NRXN2: variants seen among roughly 807,000 people sequenced by gnomAD.
NRXN2 encodes the protein neurexin-2-beta.
NRXN2 carries 29 observed loss-of-function variants against 128.8 expected under a neutral mutation model. The observed-to-expected ratio is 0.23, with a 90% CI of 0.17 to 0.31. NRXN2 has a LOEUF of 0.31. Among genes scored for constraint, NRXN2 ranks in the 10% least tolerant of loss-of-function variants. The pLI, the probability that NRXN2 is intolerant of heterozygous loss-of-function variation, is 1.00. For synonymous variants in NRXN2, 1,098 were observed against 1,075.2 expected (o/e 1.02, Z -0.41); for missense variants, 1,881 against 2,452.6 (o/e 0.77, Z 4.92).
chr11:64,711,675 A>C (rs941647417), intron 2 of NRXN2, among the ~76,000 whole-genome samples: 15 of 151,690 alleles, frequency 9.9e-5, no homozygotes, highest in Admixed American at 8.5e-4. Context: ...CCAGGGTCCC[A>C]CCTCGCCCTG....
At chr11:64,685,227 C>T (rs1329814759) in intron 6 of NRXN2, among the ~76,000 whole-genome samples, 1 of 152,178 alleles carries the variant, frequency 6.6e-6, no homozygotes, top group Non-Finnish European at 1.5e-5. Flanking sequence ...AGGCCAAAGC[C>T]TGCCCACTCC....
rs2043994876 is a variant in NRXN2, at chr11:64,632,093, G to A, written c.3586-1520C>T. Among the ~76,000 whole-genome samples the A allele has an allele frequency of 6.6e-6, 1 of 152,236 alleles. No individual in the cohort carries two copies. The highest frequency in any genetic ancestry group is 1.5e-5 in the Non-Finnish European group (1 of 68,038). On this transcript the variant is annotated intron_variant, in intron 18 of 22. Transcript: ENST00000265459. The surrounding 1 kb of genome is among the most constrained non-coding windows in gnomAD (Gnocchi z 4.2). Reference sequence around the variant, plus strand: ...CAGAGCCGAGAGGCTTGGTGGCACTGGGGGTGTTGGCAGGGGTGGCTCACA... The same window carrying A: ...CAGAGCCGAGAGGCTTGGTGGCACTAGGGGTGTTGGCAGGGGTGGCTCACA...
chr11:64,701,283 G>T (rs1478419840), intron 2 of NRXN2, among the ~76,000 whole-genome samples: 1 of 152,156 alleles, frequency 6.6e-6, no homozygotes, highest in Non-Finnish European at 1.5e-5. Flanking sequence ...TCCGAAATTT[G>T]ACTGTTTCTT....
Position 64,713,634 on chromosome 11 carries a change from C to T in NRXN2, c.66G>A (p.Leu22=), listed in dbSNP as rs2057167680. The T allele has an allele frequency of 1.6e-6, 2 of 1,247,932 alleles. No homozygotes were observed. Among genetic ancestry groups the T allele is most frequent in the South Asian group, 2.8e-5 (1 of 36,140 alleles). The allele number at this position is 1,247,932 out of a possible 1,614,324, so 77.3% of individuals were successfully genotyped here. The change falls in exon 2 of 23, where the codon CTG becomes CTA. Residue 22 remains leucine, a synonymous_variant. Coordinates refer to ENST00000265459, the MANE Select transcript of NRXN2 (RefSeq NM_015080.4). Reference sequence around the variant, plus strand: ...ACTCCAGGCCGTCCGCGCGCGCCGCCAGCGCCAGCAGCAGCAGCAACAGCA... The same window carrying T: ...ACTCCAGGCCGTCCGCGCGCGCCGCTAGCGCCAGCAGCAGCAGCAACAGCA... ...PPLLLLLLLA[L]AARADGLEFG...
chr11:64,624,905 G>A (rs1367559732), intron 20 of NRXN2, among the ~76,000 whole-genome samples: 1 of 152,166 alleles, frequency 6.6e-6, no homozygotes. Context: ...AACTTGTTCT[G>A]GGATACTTTC....
At chr11:64,699,251 C>G (rs1363342532) in intron 2 of NRXN2, among the ~76,000 whole-genome samples, 1 of 152,110 alleles carries the variant, frequency 6.6e-6, no homozygotes, top group Non-Finnish European at 1.5e-5. Context: ...CACAGTGACT[C>G]CAGTGGCTAA....
intron 2 of NRXN2, among the ~76,000 whole-genome samples, chr11:64,699,664 C>T (rs1365106521): frequency 2.6e-5 from 4 of 152,110 alleles, no homozygotes; most frequent in Non-Finnish European, 4.4e-5. Context: ...CTGCCCGCCT[C>T]GGCCTCCCAA....
In NRXN2 at chr11:64,685,851, A is replaced by T; in HGVS notation, c.947T>A (p.Leu316Gln). ...GTTGCGTTGCAGGGTGCGGAAGGCC[A>T]GTGTGATCTCATCAGTGCTGCTCTG... The part of the protein sequence containing the change: ...PIQSSTDEIT[L>Q]AFRTLQRNGL... Residue 316 changes from leucine to glutamine, a missense_variant, in exon 6 of 23, where the codon CTG (leucine) becomes CAG (glutamine). This residue lies in a region of NRXN2 where 997 missense variants were observed against 1,240.8 expected (regional missense o/e 0.80). Coordinates refer to ENST00000265459, the MANE Select transcript of NRXN2 (RefSeq NM_015080.4). 3 of 1,614,202 alleles carry T rather than the reference A, an allele frequency of 1.9e-6. No individual in the cohort carries two copies. Among genetic ancestry groups the T allele is most frequent in the Non-Finnish European group, 2.5e-6 (3 of 1,180,032 alleles).
rs2047412148 is a variant in NRXN2, at chr11:64,651,163, G to C, written c.2918+92C>G. On this transcript the variant is annotated intron_variant, in intron 14 of 22. Transcript: ENST00000265459. The surrounding 1 kb of genome is among the most constrained non-coding windows in gnomAD (Gnocchi z 5.9). ...CTTGACTTGTGATCTGGGGGGATTGGACACCTCGGCCAGTAGCCAGGAGAG... is the reference window on the plus strand; with the variant it reads ...CTTGACTTGTGATCTGGGGGGATTGCACACCTCGGCCAGTAGCCAGGAGAG... The C allele has an allele frequency of 6.4e-7, 1 of 1,551,978 alleles. No individual in the cohort carries two copies.
In NRXN2 at chr11:64,623,204, A is replaced by G. The variant is rs1286178651; in HGVS notation, c.3848-126T>C. The stretch of plus-strand genomic sequence containing the variant: ...TGGAGGAGAAAGCCAGTAAGGGAGG[A>G]GGGGACGGGGAGAAATGAGGAAGGG... On this transcript the variant is annotated intron_variant, in intron 20 of 22. Transcript: ENST00000265459. This position sits in a 1 kb window ranked among gnomAD's most constrained non-coding sequence, Gnocchi z 4.9. 1 of 1,403,580 alleles carries G rather than the reference A, an allele frequency of 7.1e-7. No individual in the cohort carries two copies. The highest frequency in any genetic ancestry group is 2.5e-5 in the Admixed American group (1 of 40,140). 86.9% of individuals were successfully genotyped at this position (1,403,580 alleles called of 1,614,324 possible). A position where few individuals can be genotyped will look rare whatever the true frequency, so the allele number is the denominator to read the frequency against.
intron 2 of NRXN2, among the ~76,000 whole-genome samples, chr11:64,702,561 G>A (rs1316424959): frequency 6.6e-6 from 1 of 152,012 alleles, no homozygotes; most frequent in Non-Finnish European, 1.5e-5. Context: ...TGGATTAAGG[G>A]CGGTGCAAGA....
At position 64,623,125 on chromosome 11, in the gene NRXN2, G is replaced by C. The variant is rs2042612607; in HGVS notation, c.3848-47C>G. 1 of 1,560,084 alleles carries C rather than the reference G, an allele frequency of 6.4e-7. No individual in the cohort carries two copies. The highest frequency in any genetic ancestry group is 1.9e-5 in the Admixed American group (1 of 52,906). Reference sequence around the variant, plus strand: ...GACAGAGAAGGGGCAGGCAGTGAGGGGAGACCAGGAAGGGAAGGAAGAAAA... The same window carrying C: ...GACAGAGAAGGGGCAGGCAGTGAGGCGAGACCAGGAAGGGAAGGAAGAAAA... On this transcript the variant is annotated intron_variant, in intron 20 of 22. Coordinates refer to ENST00000265459, the MANE Select transcript of NRXN2 (RefSeq NM_015080.4). The surrounding 1 kb of genome is among the most constrained non-coding windows in gnomAD (Gnocchi z 4.9).
rs2044074344 is a variant in NRXN2 at position 64,632,569 on chromosome 11, C to G, written c.3586-1996G>C. Among the ~76,000 whole-genome samples the G allele has an allele frequency of 6.6e-6, 1 of 152,176 alleles. No homozygotes were observed. Among genetic ancestry groups the G allele is most frequent in the Admixed American group, 6.5e-5 (1 of 15,286 alleles). ...TTTCTCCCCACAGGCTCAGCCCAGG[C>G]AGTGATGGTGGTCAAGGAGCACATG... On this transcript the variant is annotated intron_variant, in intron 18 of 22. Transcript: ENST00000265459. The surrounding 1 kb of genome is among the most constrained non-coding windows in gnomAD (Gnocchi z 4.2).
At chr11:64,718,956 CT>C (rs1228267326) in intron 1 of NRXN2, among the ~76,000 whole-genome samples, 8 of 152,320 alleles carry the variant, frequency 5.3e-5, no homozygotes, top group East Asian at 3.9e-4. Flanking sequence ...AGCTCTACCC[CT>C]ATCCAGCTGT....
chr11:64,617,692 T>C (rs1451305908), intron 22 of NRXN2, among the ~76,000 whole-genome samples: 1 of 152,208 alleles, frequency 6.6e-6, no homozygotes, highest in Non-Finnish European at 1.5e-5. Flanking sequence ...AAGGGAGTCC[T>C]GGCCGTCTGC....
At chr11:64,675,460 C>G (rs1652408026) in intron 7 of NRXN2, 1 of 152,268 alleles carries the variant, frequency 6.6e-6, no homozygotes, top group African/African-American at 2.4e-5. Flanking sequence ...TCCTCACCAG[C>G]CAGCCATACA....
chr11:64,711,657 C>T (rs2135669570), intron 2 of NRXN2, among the ~76,000 whole-genome samples: 1 of 152,246 alleles, frequency 6.6e-6, no homozygotes, highest in Middle Eastern at 3.4e-3. Context: ...CATAGTCAGC[C>T]CCACGGCCCA....
chr11:64,653,826 G>A (rs2047861452), intron 11 of NRXN2, 104 bp from the exon 12 acceptor site: 1 of 876,512 alleles, frequency 1.1e-6, no homozygotes, highest in East Asian at 2.7e-5. Flanking sequence ...TGCGGGCGGG[G>A]TTCCCCCCAG....
intron 2 of NRXN2, among the ~76,000 whole-genome samples, chr11:64,703,046 T>C (rs2055731967): frequency 6.6e-6 from 1 of 151,326 alleles, no homozygotes; most frequent in African/African-American, 2.4e-5. Context: ...TTTGTCTCTG[T>C]TCTAAACAAA....
Sources: allele counts gnomAD v4.1 joint callset (sites outside exome capture counted in the v4.1 genomes callset), GRCh38; gene constraint gnomAD v4.1.1; regional missense constraint gnomAD v4.1.1; non-coding constraint Gnocchi (gnomAD v3.1); transcripts MANE v1.5; gene names NCBI Gene and HGNC (gene_info 2026-07-23, HGNC 2026-07-21).